Variants in PLCE1 observed in about 807,000 individuals in gnomAD.
PLCE1 encodes 1-phosphatidylinositol 4,5-bisphosphate phosphodiesterase epsilon-1.
PLCE1 carries 119 observed loss-of-function variants against 242.8 expected under a neutral mutation model. The observed-to-expected ratio is 0.49, with a 90% CI of 0.42 to 0.57. The LOEUF (loss-of-function observed/expected upper bound fraction) is 0.57. Among genes scored for constraint, PLCE1 ranks in the 20% least tolerant of loss-of-function variants. The probability of loss-of-function intolerance (pLI) is 0.00; values close to 1 mark genes in which losing one functional copy is unlikely to be tolerated. For synonymous variants in PLCE1, 945 were observed against 1,017.4 expected, an observed-to-expected ratio of 0.93 and a Z score of 1.35; for missense variants, 2,441 against 2,788.8, an observed-to-expected ratio of 0.88 and a Z score of 2.81.
intron 8 of PLCE1, 99 bp downstream of exon 8, chr10:94,246,720 T>G: frequency 9.0e-7 from 1 of 1,109,294 alleles, no homozygotes; most frequent in Non-Finnish European, 1.3e-6. Flanking sequence ...GCTCTGACAG[T>G]TACTACCTGT....
intron 2 of PLCE1, among the ~76,000 whole-genome samples, chr10:94,129,848 G>A (rs1399212943): frequency 6.6e-6 from 1 of 152,086 alleles, no homozygotes; most frequent in Non-Finnish European, 1.5e-5. Flanking sequence ...AACATTCCAG[G>A]TCTCCTTTAT....
intron 2 of PLCE1, among the ~76,000 whole-genome samples, chr10:94,095,060 A>G (rs2045253424): frequency 6.6e-6 from 1 of 152,210 alleles, no homozygotes. Flanking sequence ...CTGTTTAGCA[A>G]AGAATACATT....
chr10:94,322,751 C>T (rs531896988), intron 30 of PLCE1, among the ~76,000 whole-genome samples: 11 of 151,398 alleles, frequency 7.3e-5, no homozygotes, highest in South Asian at 2.1e-4. Context: ...TGCCATTGCG[C>T]GTCAGCCTGG....
chr10:94,156,373 A>T (rs544341402), intron 3 of PLCE1, among the ~76,000 whole-genome samples: 6 of 152,210 alleles, frequency 3.9e-5, no homozygotes, highest in Non-Finnish European at 8.8e-5. Context: ...TTGGCTACAA[A>T]CTGGGGGTCT....
At chr10:94,252,073 T>G (rs577348161) in intron 8 of PLCE1, among the ~76,000 whole-genome samples, 79 of 152,270 alleles carry the variant, frequency 5.2e-4, no homozygotes, top group Non-Finnish European at 2.4e-4. Context: ...TGTTCCCCAG[T>G]TGATGTATTA....
chr10:94,293,605 G>GGA lies in PLCE1; in HGVS notation c.5136_5137dup (p.Thr1713ArgfsTer49). On this transcript the variant is annotated frameshift_variant, in exon 23 of 33. Transcript: ENST00000371380. LOFTEE classifies it high-confidence loss of function. Reference sequence around the variant, plus strand: ...ACAATCCGGGCAGAATGAGCCCAGGGGAGACAGCATCATTTAACAAAACAT... The same window carrying GGA: ...ACAATCCGGGCAGAATGAGCCCAGGGGAGAGACAGCATCATTTAACAAAACAT... 2 of 1,613,904 alleles carry GGA rather than the reference G, an allele frequency of 1.2e-6. No homozygotes were observed. Among genetic ancestry groups the GGA allele is most frequent in the Non-Finnish European group, 1.7e-6 (2 of 1,179,876 alleles).
chr10:94,315,180 C>T (rs2053524506), intron 28 of PLCE1: 1 of 302,496 alleles, frequency 3.3e-6, no homozygotes, highest in Admixed American at 4.2e-5. Context: ...AGCATTTCAT[C>T]ATTTATAGAC....
At chr10:94,112,461 T>C (rs770331545) in intron 2 of PLCE1, among the ~76,000 whole-genome samples, 14 of 152,234 alleles carry the variant, frequency 9.2e-5, no homozygotes, top group Non-Finnish European at 2.1e-4. Flanking sequence ...TGAGGTTCAT[T>C]TCCCTGAAGA....
intron 3 of PLCE1, among the ~76,000 whole-genome samples, chr10:94,143,960 C>T (rs1020005037): frequency 5.3e-5 from 8 of 152,286 alleles, no homozygotes; most frequent in African/African-American, 1.7e-4. Flanking sequence ...GTGACAGTAG[C>T]GGGTATTTTG....
chr10:94,205,290 G>A (rs1005712087), intron 4 of PLCE1, among the ~76,000 whole-genome samples: 6 of 151,964 alleles, frequency 3.9e-5, no homozygotes, highest in African/African-American at 1.5e-4. Flanking sequence ...AATAGTGGGG[G>A]AAGAAGAGAG....
chr10:94,155,943 G>A (rs1429097897), intron 3 of PLCE1, among the ~76,000 whole-genome samples: 2 of 152,012 alleles, frequency 1.3e-5, no homozygotes, highest in Non-Finnish European at 2.9e-5. Flanking sequence ...GAGCTACTGT[G>A]CCCAGCCTAG....
Position 94,031,862 on chromosome 10 carries a change from GGTT to G in PLCE1, c.818_820del (p.Val273del), listed in dbSNP as rs1300971710. ...TTTGCTTTGAAGGCTCTTGTGAGAAGGTTGACATGGTATATTCAGGTGATAGCT... is the reference window on the plus strand; with the variant it reads ...TTTGCTTTGAAGGCTCTTGTGAGAAGGACATGGTATATTCAGGTGATAGCT... On this transcript the variant is annotated inframe_deletion, in exon 2 of 33. Transcript: ENST00000371380. The G allele has an allele frequency of 1.2e-6, 2 of 1,613,892 alleles. No individual in the cohort carries two copies. Among genetic ancestry groups the G allele is most frequent in the Admixed American group, 3.3e-5 (2 of 59,974 alleles).
chr10:94,090,845 T>C (rs771198385), intron 2 of PLCE1, among the ~76,000 whole-genome samples: 1 of 152,284 alleles, frequency 6.6e-6, no homozygotes, highest in South Asian at 2.1e-4. Flanking sequence ...TTTCTTTTAG[T>C]GGGATGGCTA....
intron 7 of PLCE1, among the ~76,000 whole-genome samples, chr10:94,237,551 A>T (rs1011422224): frequency 1.2e-4 from 19 of 152,334 alleles, no homozygotes; most frequent in African/African-American, 4.3e-4. Flanking sequence ...GCCCTGCTGC[A>T]AGCACTCTTA....
In PLCE1 at chr10:94,273,923, G is replaced by C. The variant is rs191483924; in HGVS notation, c.4665+203G>C. Among the ~76,000 whole-genome samples, 33 of 152,250 alleles carry C rather than the reference G, an allele frequency of 2.2e-4. 1 individual carries two copies. Among genetic ancestry groups the C allele is most frequent in the Admixed American group, 2.1e-3 (32 of 15,292 alleles). On this transcript the variant is annotated intron_variant, in intron 19 of 32. Transcript: ENST00000371380. Reference sequence around the variant, plus strand: ...TCACTCACCCAAGATTTAATTTGTGGAATAGTTCCCACATAGAATATACCT... The same window carrying C: ...TCACTCACCCAAGATTTAATTTGTGCAATAGTTCCCACATAGAATATACCT...
intron 27 of PLCE1, among the ~76,000 whole-genome samples, chr10:94,309,074 C>T (rs2053298446): frequency 6.6e-6 from 1 of 152,138 alleles, no homozygotes; most frequent in African/African-American, 2.4e-5. Flanking sequence ...GAGGAAGAGG[C>T]TTATTATGCG....
At chr10:94,242,788 T>C (rs2050553613) in intron 7 of PLCE1, among the ~76,000 whole-genome samples, 3 of 152,156 alleles carry the variant, frequency 2.0e-5, no homozygotes, top group Middle Eastern at 6.8e-3. Flanking sequence ...AAGAACCAAC[T>C]GGAAGAGCTC....
intron 2 of PLCE1, chr10:94,094,746 A>G (rs2045236608): frequency 6.6e-6 from 1 of 152,164 alleles, no homozygotes; most frequent in Admixed American, 6.5e-5. Context: ...GGCATCTGAC[A>G]GCATGCTTTC....
Position 94,269,394 on chromosome 10 carries a change from G to A in PLCE1, c.4389+358G>A, listed in dbSNP as rs143600869. ...ACCGGGATTACAGACGTGAGCCACC[G>A]TGCCTGGCCTTCATTCTTTATTTAA... is the stretch of plus-strand genomic sequence containing the variant. On this transcript the variant is annotated intron_variant, in intron 17 of 32. Coordinates refer to ENST00000371380, the MANE Select transcript of PLCE1 (RefSeq NM_016341.4). 5.4e-3 allele frequency among the ~76,000 whole-genome samples: 814 copies of A among 152,074 alleles called. 7 individuals are homozygous for A. The highest frequency in any genetic ancestry group is 0.017 in the African/African-American group (710 of 41,486).
Sources: gnomAD v4.1 joint callset for allele counts (sites outside exome capture counted in the v4.1 genomes callset) on GRCh38, gnomAD v4.1.1 for gene constraint, MANE v1.5 for transcripts, NCBI Gene and HGNC (gene_info 2026-07-23, HGNC 2026-07-21) for gene names.